Variants in HID1 observed in about 807,000 individuals in gnomAD.
The protein encoded by HID1 is HID1 domain containing.
A neutral mutation model predicts 89.7 loss-of-function variants in HID1; 42 were observed. The observed-to-expected ratio is 0.47, with a 90% CI of 0.37 to 0.61. The LOEUF (loss-of-function observed/expected upper bound fraction) is 0.61. Among genes scored for constraint, HID1 ranks in the 20% least tolerant of loss-of-function variants. The pLI, the probability that HID1 is intolerant of heterozygous loss-of-function variation, is 0.00. For synonymous variants in HID1, 442 were observed against 433.8 expected (o/e 1.02, Z -0.24); for missense variants, 854 against 1,039.3 (o/e 0.82, Z 2.45).
At chr17:74,960,733 T>A (rs2039466787) in intron 6 of HID1, among the ~76,000 whole-genome samples, 1 of 152,194 alleles carries the variant, frequency 6.6e-6, no homozygotes, top group South Asian at 2.1e-4. Flanking sequence ...GGGGGTCGCC[T>A]GGCTCCCTTC....
Position 74,962,842 on chromosome 17 carries a change from C to T in HID1, c.504+123G>A. On this transcript the variant is annotated intron_variant, in intron 4 of 18. Transcript: ENST00000425042. This position sits in a 1 kb window ranked among gnomAD's most constrained non-coding sequence, Gnocchi z 4.3. ...ACCCAGGCCTACATGTGCCAGGCAG[C>T]TCAGCTCTCCTGGAGCCCCCCGGCC... The T allele has an allele frequency of 1.4e-6, 1 of 703,612 alleles. No homozygotes were observed. Among genetic ancestry groups the T allele is most frequent in the Non-Finnish European group, 2.4e-6 (1 of 408,762 alleles). 43.6% of individuals were successfully genotyped at this position (703,612 alleles called of 1,614,324 possible).
At chr17:74,969,318 C>T (rs980103907) in intron 1 of HID1, among the ~76,000 whole-genome samples, 4 of 151,884 alleles carry the variant, frequency 2.6e-5, no homozygotes, top group Admixed American at 1.3e-4. Flanking sequence ...CCTCAGCCCC[C>T]GGGATTACAG....
In HID1 at chr17:74,959,067, G is replaced by A; in HGVS notation, c.1009-16C>T. ...ACTGGAAGTCCTGGGGGCGAGGGCA[G>A]AGCAGGGGGCCTGTCCAGCCCAATC... On this transcript the variant is annotated splice_polypyrimidine_tract_variant and intron_variant, in intron 8 of 18. Transcript: ENST00000425042. This position sits in a 1 kb window ranked among gnomAD's most constrained non-coding sequence, Gnocchi z 4.6. 1 of 1,541,054 alleles carries A rather than the reference G, an allele frequency of 6.5e-7. No homozygotes were observed. The highest frequency in any genetic ancestry group is 8.7e-7 in the Non-Finnish European group (1 of 1,150,750).
At chr17:74,954,728 C>T (rs1210229797) in intron 13 of HID1, 1 of 304,714 alleles carries the variant, frequency 3.3e-6, no homozygotes, top group Non-Finnish European at 6.2e-6. Context: ...TCCCACCTCC[C>T]CTCGAGCAAG....
At chr17:74,956,988 A>G (rs2039400620) in intron 12 of HID1, among the ~76,000 whole-genome samples, 1 of 152,194 alleles carries the variant, frequency 6.6e-6, no homozygotes, top group Admixed American at 6.5e-5. Flanking sequence ...ACGTGTGGCC[A>G]TTTCGTGCTT....
chr17:74,958,691 C>A lies in HID1; in HGVS notation c.1222G>T (p.Asp408Tyr). 6.3e-7 allele frequency: 1 copy of A among 1,581,672 alleles called. No homozygotes were observed. The change falls in exon 10 of 19, where the codon GAT (aspartate) becomes TAT (tyrosine). Residue 408 changes from aspartate to tyrosine, a missense_variant. By Grantham distance (160) the Asp-to-Tyr change is radical. Coordinates refer to ENST00000425042, the MANE Select transcript of HID1 (RefSeq NM_030630.3). This position sits in a 1 kb window ranked among gnomAD's most constrained non-coding sequence, Gnocchi z 5.2. ...GTCTTACACTGATCGGCCCGGGCATCGTTGAGGAAGAAGAGGATGGGGACA... is the reference window on the plus strand; with the variant it reads ...GTCTTACACTGATCGGCCCGGGCATAGTTGAGGAAGAAGAGGATGGGGACA... ...ILVPILFFLN[D>Y]ARADQSRVGL...
chr17:74,959,578 A>G lies in HID1; in HGVS notation c.1008+303T>C, dbSNP rs1329607089. 6.6e-6 allele frequency among the ~76,000 whole-genome samples: 1 copy of G among 152,104 alleles called. No individual in the cohort carries two copies. Among genetic ancestry groups the G allele is most frequent in the East Asian group, 1.9e-4 (1 of 5,200 alleles). ...AGCACCTTCCCACCAAGATCACAAGACACATGAACTGGGACTGCTTGGCCT... is the reference window on the plus strand; with the variant it reads ...AGCACCTTCCCACCAAGATCACAAGGCACATGAACTGGGACTGCTTGGCCT... On this transcript the variant is annotated intron_variant, in intron 8 of 18. Coordinates refer to ENST00000425042, the MANE Select transcript of HID1 (RefSeq NM_030630.3). The surrounding 1 kb of genome is among the most constrained non-coding windows in gnomAD (Gnocchi z 4.6).
Position 74,959,775 on chromosome 17 carries a change from C to A in HID1, c.1008+106G>T, listed in dbSNP as rs981323177. The A allele has an allele frequency of 8.1e-6, 10 of 1,237,642 alleles. No homozygotes were observed. The highest frequency in any genetic ancestry group is 1.8e-5 in the Admixed American group (1 of 54,780). 76.7% of individuals were successfully genotyped at this position (1,237,642 alleles called of 1,614,324 possible). ...ACTATTTCACCTAGGGTGGCCCCAG[C>A]CCACAGAGAGCATGGTTCCTTCATG... is the stretch of plus-strand genomic sequence containing the variant. On this transcript the variant is annotated intron_variant, in intron 8 of 18. Transcript: ENST00000425042. The surrounding 1 kb of genome is among the most constrained non-coding windows in gnomAD (Gnocchi z 4.6).
At chr17:74,963,253 T>G in intron 3 of HID1, 172 bp from the exon 4 acceptor site, 3 of 564,248 alleles carry the variant, frequency 5.3e-6, no homozygotes, top group African/African-American at 1.9e-5. Flanking sequence ...AAGGCAGAAG[T>G]GGGGCACAGC....
At chr17:74,957,144 G>A (rs923140627) in intron 12 of HID1, among the ~76,000 whole-genome samples, 1 of 151,744 alleles carries the variant, frequency 6.6e-6, no homozygotes, top group South Asian at 2.1e-4. Context: ...ACAAGCCTGG[G>A]AAACATAGTG....
At chr17:74,960,353 T>G in intron 6 of HID1, 105 bp from the exon 7 acceptor site, 2 of 951,786 alleles carry the variant, frequency 2.1e-6, no homozygotes, top group African/African-American at 1.6e-5. Flanking sequence ...AACAAGCATT[T>G]TAGCACCACG....
rs111844701 is a variant in HID1, at chr17:74,962,860, C to T, written c.504+105G>A. 9,769 of 800,236 alleles carry T rather than the reference C, an allele frequency of 0.012. 650 individuals carry two copies. The African/African-American group carries it at 0.14, about 12-fold the overall frequency. The allele number at this position is 800,236 out of a possible 1,614,324, so 49.6% of individuals were successfully genotyped here. Reference sequence around the variant, plus strand: ...CAGGCAGCTCAGCTCTCCTGGAGCCCCCCGGCCCCCAGTGCAATCCGCCCA... The same window carrying T: ...CAGGCAGCTCAGCTCTCCTGGAGCCTCCCGGCCCCCAGTGCAATCCGCCCA... On this transcript the variant is annotated intron_variant, in intron 4 of 18. Transcript: ENST00000425042. This position sits in a 1 kb window ranked among gnomAD's most constrained non-coding sequence, Gnocchi z 4.3.
rs753773347 is a variant in HID1 at position 74,953,070 on chromosome 17, C to G, written c.1988G>C (p.Trp663Ser). 3.7e-6 allele frequency: 6 copies of G among 1,607,518 alleles called. No homozygotes were observed. Among genetic ancestry groups the G allele is most frequent in the Non-Finnish European group, 5.1e-6 (6 of 1,177,832 alleles). The change falls in exon 16 of 19, where the codon TGG (tryptophan) becomes TCG (serine). Residue 663 changes from tryptophan to serine, a missense_variant. Transcript: ENST00000425042. ...SPAKGEPSQA[W>S]REQRRPSTSS... ...GGTGGACGGTCGCCGCTGCTCCCTC[C>G]ATGCCTGGCTGGGCTCCTGGCCCCC...
chr17:74,956,101 A>G, intron 12 of HID1, 145 bp from the exon 13 acceptor site: 1 of 790,160 alleles, frequency 1.3e-6, no homozygotes, highest in Non-Finnish European at 2.0e-6. Context: ...TAAGAGGCTG[A>G]GTCCACACTG....
chr17:74,972,348 T>C lies in HID1; in HGVS notation c.66+243A>G, dbSNP rs919388271. On this transcript the variant is annotated intron_variant, in intron 1 of 18. Transcript: ENST00000425042. This position sits in a 1 kb window ranked among gnomAD's most constrained non-coding sequence, Gnocchi z 6.4. ...GGAGTAGGCACACGTCAGCCTAAGGTGGCAGCAGCGGCTTCGGGGAGAGGG... is the reference window on the plus strand; with the variant it reads ...GGAGTAGGCACACGTCAGCCTAAGGCGGCAGCAGCGGCTTCGGGGAGAGGG... 1.3e-4 allele frequency among the ~76,000 whole-genome samples: 19 copies of C among 151,758 alleles called. No homozygotes were observed. Among genetic ancestry groups the C allele is most frequent in the African/African-American group, 4.6e-4 (19 of 41,336 alleles).
At chr17:74,954,641 C>G in intron 13 of HID1, 1 of 532,478 alleles carries the variant, frequency 1.9e-6, no homozygotes, top group Non-Finnish European at 3.3e-6. Flanking sequence ...CACTAAACAG[C>G]TAACACCTGG....
chr17:74,959,608 C>A lies in HID1; in HGVS notation c.1008+273G>T, dbSNP rs2039448585. 6.6e-6 allele frequency among the ~76,000 whole-genome samples: 1 copy of A among 152,146 alleles called. No individual in the cohort carries two copies. Among genetic ancestry groups the A allele is most frequent in the Non-Finnish European group, 1.5e-5 (1 of 68,026 alleles). ...TGAACTGGGACTGCTTGGCCTGAAG[C>A]CCTTGTCCACTGTCATTCCCCTTTT... On this transcript the variant is annotated intron_variant, in intron 8 of 18. Coordinates refer to ENST00000425042, the MANE Select transcript of HID1 (RefSeq NM_030630.3). This position sits in a 1 kb window ranked among gnomAD's most constrained non-coding sequence, Gnocchi z 4.6.
chr17:74,952,429 G>A (rs1312009802), intron 16 of HID1, 69 bp from the exon 17 acceptor site: 2 of 1,159,218 alleles, frequency 1.7e-6, no homozygotes, highest in East Asian at 2.4e-5. Context: ...GCCTGACCCT[G>A]ACCCAGAACC....
chr17:74,969,768 AT>A (rs572842467), intron 1 of HID1, among the ~76,000 whole-genome samples: 2 of 150,496 alleles, frequency 1.3e-5, no homozygotes, highest in South Asian at 2.1e-4. Context: ...AGCCCAGCTA[AT>A]TTTTTTTATT....
Sources: gnomAD v4.1 joint callset for allele counts (sites outside exome capture counted in the v4.1 genomes callset) on GRCh38, gnomAD v4.1.1 for gene constraint, Gnocchi (gnomAD v3.1) non-coding constraint, MANE v1.5 for transcripts, NCBI Gene and HGNC (gene_info 2026-07-23, HGNC 2026-07-21) for gene names.